DNAAF4: variants seen among roughly 807,000 people sequenced by gnomAD.
The protein encoded by DNAAF4 is dynein assembly factor 4, axonemal.
Under a neutral mutation model 51.8 loss-of-function variants are expected in DNAAF4, and 43 were observed. That is an observed-to-expected ratio of 0.83 (90% CI 0.65 to 1.07). DNAAF4 has a LOEUF of 1.07. DNAAF4 is among the 50% of genes least tolerant of loss of function. The probability of loss-of-function intolerance (pLI) is 0.00; values close to 1 mark genes in which losing one functional copy is unlikely to be tolerated. For synonymous variants in DNAAF4, 194 were observed against 165.6 expected (o/e 1.17, Z -1.32); for missense variants, 581 against 493.0 (o/e 1.18, Z -1.69).
intron 6 of DNAAF4, among the ~76,000 whole-genome samples, chr15:55,448,859 G>A (rs1327765798): frequency 6.6e-6 from 1 of 150,924 alleles, no homozygotes; most frequent in African/African-American, 2.4e-5. Context: ...GACAGAGCGA[G>A]ACTCCATCCC....
chr15:55,443,579 G>A (rs941829026), intron 6 of DNAAF4, among the ~76,000 whole-genome samples: 2 of 152,234 alleles, frequency 1.3e-5, no homozygotes, highest in Non-Finnish European at 2.9e-5. Flanking sequence ...GGATGGCTGG[G>A]TCAAATGGTA....
At chr15:55,445,472 CTT>C (rs949348031) in intron 6 of DNAAF4, among the ~76,000 whole-genome samples, 1 of 152,064 alleles carries the variant, frequency 6.6e-6, no homozygotes, top group African/African-American at 2.4e-5. Flanking sequence ...TCTGATCTCT[CTT>C]TCTTTTCCCC....
chr15:55,491,894 C>T (rs2058580359), intron 3 of DNAAF4, among the ~76,000 whole-genome samples: 1 of 150,230 alleles, frequency 6.7e-6, no homozygotes, highest in Non-Finnish European at 1.5e-5. Context: ...CTCTCTGTCA[C>T]CCAGGCTGCT....
chr15:55,440,559 T>C (rs1015658471), intron 6 of DNAAF4, among the ~76,000 whole-genome samples: 1 of 149,474 alleles, frequency 6.7e-6, no homozygotes, highest in African/African-American at 2.5e-5. Flanking sequence ...TTTGTATTTT[T>C]AGTAGAGACG....
At chr15:55,496,413 C>T (rs1341660455) in intron 3 of DNAAF4, among the ~76,000 whole-genome samples, 1 of 152,136 alleles carries the variant, frequency 6.6e-6, no homozygotes, top group African/African-American at 2.4e-5. Flanking sequence ...AACATCTGCT[C>T]TAGAGTGAAA....
At chr15:55,479,167 G>T (rs1343981919) in intron 4 of DNAAF4, among the ~76,000 whole-genome samples, 1 of 151,056 alleles carries the variant, frequency 6.6e-6, no homozygotes, top group Non-Finnish European at 1.5e-5. Flanking sequence ...ATAGCTCTGG[G>T]TGTTGGCTGG....
chr15:55,433,884 T>TTA (rs1166771077), intron 8 of DNAAF4, among the ~76,000 whole-genome samples: 1 of 29,828 alleles, frequency 3.4e-5, no homozygotes, highest in African/African-American at 1.6e-4. Flanking sequence ...ATTACATATA[T>TTA]TATATATATA....
Position 55,491,714 on chromosome 15 carries a change from T to A in DNAAF4, c.272-458A>T, listed in dbSNP as rs1024990342. On this transcript the variant is annotated intron_variant, in intron 3 of 9. Transcript: ENST00000321149. ...ATATAATAATATTATATACTATTATTATATAATAGTATATAATATAATATA... is the reference window on the plus strand; with the variant it reads ...ATATAATAATATTATATACTATTATAATATAATAGTATATAATATAATATA... Among the ~76,000 whole-genome samples, 53 of 139,142 alleles carry A rather than the reference T, an allele frequency of 3.8e-4. 1 individual carries two copies. Among genetic ancestry groups the A allele is most frequent in the Middle Eastern group, 3.3e-3 (1 of 304 alleles). The allele number at this position is 139,142 out of a possible 152,430, so 91.3% of individuals were successfully genotyped here. A position where few individuals can be genotyped will look rare whatever the true frequency, so the allele number is the denominator to read the frequency against.
At chr15:55,440,604 G>C (rs2057694766) in intron 6 of DNAAF4, among the ~76,000 whole-genome samples, 1 of 151,440 alleles carries the variant, frequency 6.6e-6, no homozygotes, top group Non-Finnish European at 1.5e-5. Flanking sequence ...CTGACCTTGT[G>C]ATCTGCCCAC....
chr15:55,492,375 C>T (rs1251859650), intron 3 of DNAAF4, among the ~76,000 whole-genome samples: 6 of 151,870 alleles, frequency 4.0e-5, no homozygotes. Flanking sequence ...AATCATACCC[C>T]AGGCATGGGT....
intron 6 of DNAAF4, among the ~76,000 whole-genome samples, chr15:55,446,407 A>AC (rs2057816482): frequency 7.5e-6 from 1 of 133,930 alleles, no homozygotes; most frequent in African/African-American, 2.9e-5. Flanking sequence ...GGCGCTCCTC[A>AC]CTTCCCAGAC....
chr15:55,480,833 G>GACT (rs1198772477), intron 4 of DNAAF4, among the ~76,000 whole-genome samples: 4 of 152,170 alleles, frequency 2.6e-5, no homozygotes, highest in Non-Finnish European at 5.9e-5. Context: ...AACAGAAGAG[G>GACT]ACTGATAAGG....
At chr15:55,439,304 C>T (rs969346207) in intron 7 of DNAAF4, among the ~76,000 whole-genome samples, 168 bp downstream of exon 7, 10 of 152,130 alleles carry the variant, frequency 6.6e-5, no homozygotes, top group Non-Finnish European at 1.3e-4. Context: ...GAGACAAAAT[C>T]TCGCTTTGTT....
At chr15:55,484,805 G>C (rs11854851) in intron 4 of DNAAF4, among the ~76,000 whole-genome samples, 36,992 of 152,030 alleles carry the variant, frequency 0.24, 5,650 homozygotes, top group Non-Finnish European at 0.35. Context: ...CACCCAGCAC[G>C]AGCAAAAGAT....
intron 6 of DNAAF4, 111 bp from the exon 7 acceptor site, chr15:55,439,692 C>G (rs565494916): frequency 9.9e-6 from 9 of 911,010 alleles, no homozygotes; most frequent in Middle Eastern, 3.1e-4. Flanking sequence ...TTGCTATGCA[C>G]TGAGTGTTTG....
intron 5 of DNAAF4, among the ~76,000 whole-genome samples, chr15:55,453,061 G>A (rs2057961095): frequency 6.6e-6 from 1 of 152,064 alleles, no homozygotes; most frequent in South Asian, 2.1e-4. Flanking sequence ...TCCTGATCTC[G>A]TGAGCCACCC....
chr15:55,430,233 G>T, downstream of DNAAF4: 2 of 330,496 alleles, frequency 6.1e-6, no homozygotes, highest in Non-Finnish European at 8.6e-6. Context: ...GGAAACTAAC[G>T]GACAACCTGT....
At chr15:55,465,389 T>TACACACACACACACACACAC (rs200097648) in intron 5 of DNAAF4, among the ~76,000 whole-genome samples, 1 of 128,498 alleles carries the variant, frequency 7.8e-6, no homozygotes, top group Non-Finnish European at 1.6e-5. Context: ...ATATGGTGTA[T>TACACACACACACACACACAC]ATATACACAC....
At chr15:55,435,859 G>C (rs1380340710) in intron 7 of DNAAF4, among the ~76,000 whole-genome samples, 3 of 152,124 alleles carry the variant, frequency 2.0e-5, no homozygotes, top group Non-Finnish European at 4.4e-5. Flanking sequence ...TGCGATCTTG[G>C]CTCACCGCAA....
Sources: allele counts gnomAD v4.1 joint callset (sites outside exome capture counted in the v4.1 genomes callset), GRCh38; gene constraint gnomAD v4.1.1; transcripts MANE v1.5; gene names NCBI Gene and HGNC (gene_info 2026-07-23, HGNC 2026-07-21).